TFPI: variants seen among roughly 807,000 people sequenced by gnomAD.
TFPI encodes tissue factor pathway inhibitor.
Under a neutral mutation model 34.6 loss-of-function variants are expected in TFPI, and 15 were observed. That is an observed-to-expected ratio of 0.43 (90% CI 0.29 to 0.67). The LOEUF is 0.67. TFPI is among the 30% of genes least tolerant of loss of function. The probability of loss-of-function intolerance (pLI) is 0.15; values close to 1 mark genes in which losing one functional copy is unlikely to be tolerated. For synonymous variants in TFPI, 105 were observed against 120.1 expected, an observed-to-expected ratio of 0.87 and a Z score of 0.82; for missense variants, 301 against 364.0, an observed-to-expected ratio of 0.83 and a Z score of 1.41.
chr2:187,528,227 T>A (rs1687777064), intron 1 of TFPI, among the ~76,000 whole-genome samples: 1 of 152,120 alleles, frequency 6.6e-6, no homozygotes, highest in African/African-American at 2.4e-5. Context: ...GTCTAAAGCT[T>A]AGAAACCTGG....
At chr2:187,500,893 G>A (rs1252726823) in intron 2 of TFPI, among the ~76,000 whole-genome samples, 3 of 152,016 alleles carry the variant, frequency 2.0e-5, no homozygotes, top group Non-Finnish European at 2.9e-5. Flanking sequence ...TTAATAATTG[G>A]GTATTGACCA....
chr2:187,533,550 C>T (rs968505040), intron 1 of TFPI, among the ~76,000 whole-genome samples: 1 of 152,148 alleles, frequency 6.6e-6, no homozygotes, highest in African/African-American at 2.4e-5. Context: ...ACACAGAAAC[C>T]CCACACAAAC....
chr2:187,480,773 C>A (rs1411025579), intron 6 of TFPI, among the ~76,000 whole-genome samples: 3 of 152,178 alleles, frequency 2.0e-5, no homozygotes, highest in East Asian at 3.9e-4. Context: ...GCTTACAAAT[C>A]ATTATTTAAA....
chr2:187,467,624 G>T, intron 7 of TFPI, 129 bp downstream of exon 7: 1 of 774,162 alleles, frequency 1.3e-6, no homozygotes, highest in Non-Finnish European at 1.8e-6. Flanking sequence ...TAATTGAAGA[G>T]GACATTTATT....
At chr2:187,486,908 A>G (rs1362776755) in intron 4 of TFPI, among the ~76,000 whole-genome samples, 1 of 151,590 alleles carries the variant, frequency 6.6e-6, no homozygotes, top group Non-Finnish European at 1.5e-5. Context: ...ATAATGGTCC[A>G]ATGCTAGGAA....
chr2:187,506,424 AC>A (rs1223695479), intron 1 of TFPI, among the ~76,000 whole-genome samples: 1 of 152,164 alleles, frequency 6.6e-6, no homozygotes, highest in Non-Finnish European at 1.5e-5. Flanking sequence ...TTAACATGTT[AC>A]GTTAGTATGG....
chr2:187,470,145 A>G (rs752700552), intron 6 of TFPI, among the ~76,000 whole-genome samples: 1 of 152,198 alleles, frequency 6.6e-6, no homozygotes, highest in South Asian at 2.1e-4. Flanking sequence ...ATAAAATGAT[A>G]TATGACTTAT....
chr2:187,509,283 G>A (rs1397097064), intron 1 of TFPI, among the ~76,000 whole-genome samples: 2 of 152,176 alleles, frequency 1.3e-5, no homozygotes, highest in Non-Finnish European at 2.9e-5. Context: ...TGTCTTCCAG[G>A]TTTTGGTATC....
At chr2:187,525,750 T>C (rs1687644211) in intron 1 of TFPI, among the ~76,000 whole-genome samples, 2 of 152,200 alleles carry the variant, frequency 1.3e-5, no homozygotes, top group Admixed American at 6.5e-5. Context: ...TGAACATCTA[T>C]AAATCAAGGA....
chr2:187,513,807 A>G (rs1276129742), intron 1 of TFPI: 1 of 152,162 alleles, frequency 6.6e-6, no homozygotes, highest in Non-Finnish European at 1.5e-5. Context: ...TCCTCACTCT[A>G]TTGCTGACCA....
chr2:187,550,235 G>A (rs1219012159), intron 1 of TFPI, among the ~76,000 whole-genome samples: 1 of 152,200 alleles, frequency 6.6e-6, no homozygotes. Context: ...AAAGTCTAAA[G>A]ACTGGGTGAA....
intron 7 of TFPI, 107 bp downstream of exon 7, chr2:187,467,646 A>G: frequency 9.7e-7 from 1 of 1,031,396 alleles, no homozygotes; most frequent in Non-Finnish European, 1.3e-6. Flanking sequence ...GCTAGATTAT[A>G]CTTTCTTATA....
At chr2:187,534,831 T>C (rs1423224651) in intron 1 of TFPI, among the ~76,000 whole-genome samples, 1 of 150,892 alleles carries the variant, frequency 6.6e-6, no homozygotes, top group Non-Finnish European at 1.5e-5. Context: ...CCATGTCACG[T>C]GCAAAAACAC....
chr2:187,528,394 G>T (rs1687786696), intron 1 of TFPI, among the ~76,000 whole-genome samples: 1 of 152,062 alleles, frequency 6.6e-6, no homozygotes, highest in African/African-American at 2.4e-5. Context: ...AACTTGAAAG[G>T]AAATACAAAG....
chr2:187,524,435 T>C (rs1687575618), intron 1 of TFPI, among the ~76,000 whole-genome samples: 1 of 152,086 alleles, frequency 6.6e-6, no homozygotes, highest in African/African-American at 2.4e-5. Context: ...CATTTATATA[T>C]TTATGTGTGC....
At chr2:187,523,925 A>G (rs1172862912) in intron 1 of TFPI, among the ~76,000 whole-genome samples, 2 of 152,086 alleles carry the variant, frequency 1.3e-5, no homozygotes, top group Non-Finnish European at 2.9e-5. Flanking sequence ...CTCCATCTCT[A>G]CATTAGTAGG....
chr2:187,522,648 C>T (rs763296763), intron 1 of TFPI, among the ~76,000 whole-genome samples: 13 of 146,426 alleles, frequency 8.9e-5, no homozygotes, highest in Non-Finnish European at 1.3e-4. Flanking sequence ...CTTTGGGAGG[C>T]GGAGGTGGGT....
At chr2:187,528,400 C>G (rs1687787018) in intron 1 of TFPI, among the ~76,000 whole-genome samples, 1 of 152,074 alleles carries the variant, frequency 6.6e-6, no homozygotes, top group South Asian at 2.1e-4. Flanking sequence ...AAAGGAAATA[C>G]AAAGCATTTA....
At position 187,484,948 on chromosome 2, in the gene TFPI, A is replaced by G. The variant is rs1234703928; in HGVS notation, c.398T>C (p.Ile133Thr). The G allele has an allele frequency of 6.5e-7, 1 of 1,529,230 alleles. No homozygotes were observed. Among genetic ancestry groups the G allele is most frequent in the African/African-American group, 1.4e-5 (1 of 70,806 alleles). 94.7% of individuals were successfully genotyped at this position (1,529,230 alleles called of 1,614,324 possible). ...ATACCTGGTAATATAACCTCGACAT[A>G]TTCCAGGATCTTCTTCCAAAAAGCA... ...DFCFLEEDPG[I>T]CRGYITRYFY... The change falls in exon 5 of 8, where the codon ATA becomes ACA. Residue 133 changes from isoleucine to threonine, a missense_variant. By Grantham distance (89) the Ile-to-Thr change is moderately conservative. Transcript: ENST00000233156.
Sources: allele counts gnomAD v4.1 joint callset (sites outside exome capture counted in the v4.1 genomes callset), GRCh38; gene constraint gnomAD v4.1.1; transcripts MANE v1.5; gene names NCBI Gene and HGNC (gene_info 2026-07-23, HGNC 2026-07-21).